The following EGFR variants were observed in gnomAD, a reference collection of about 807,000 sequenced individuals.
EGFR encodes the protein avian erythroblastic leukemia viral (v-erb-b) oncogene homolog.
In EGFR, 58 loss-of-function variants were observed where a neutral mutation model predicts 143.0. The observed-to-expected ratio is 0.41, with a 90% CI of 0.33 to 0.50. The LOEUF (loss-of-function observed/expected upper bound fraction) is 0.50. Among genes scored for constraint, EGFR ranks in the 20% least tolerant of loss-of-function variants. The pLI is 0.39. For missense variants in EGFR, 1,307 were observed against 1,579.0 expected, an observed-to-expected ratio of 0.83 and a Z score of 2.92; for synonymous variants, 613 against 594.4, an observed-to-expected ratio of 1.03 and a Z score of -0.45.
chr7:55,187,370 G>C (rs112294740), intron 20 of EGFR, among the ~76,000 whole-genome samples: 1 of 152,122 alleles, frequency 6.6e-6, no homozygotes, highest in South Asian at 2.1e-4. Flanking sequence ...AAAGGCATGC[G>C]GTGTTTACGT....
At chr7:55,178,929 C>T (rs1187795245) in intron 19 of EGFR, among the ~76,000 whole-genome samples, 1 of 152,224 alleles carries the variant, frequency 6.6e-6, no homozygotes, top group Non-Finnish European at 1.5e-5. Context: ...TACAGTTCAA[C>T]CCTGACAGTT....
At chr7:55,097,253 G>A (rs1439118476) in intron 1 of EGFR, among the ~76,000 whole-genome samples, 2 of 152,128 alleles carry the variant, frequency 1.3e-5, no homozygotes, top group East Asian at 1.9e-4. Flanking sequence ...TGCCTGGAAC[G>A]CAGAATCCCA....
At chr7:55,106,385 A>G (rs1792134317) in intron 1 of EGFR, among the ~76,000 whole-genome samples, 1 of 152,238 alleles carries the variant, frequency 6.6e-6, no homozygotes, top group Admixed American at 6.5e-5. Flanking sequence ...AACCCTAGTA[A>G]GTCCCTCCAG....
At chr7:55,185,566 G>A (rs562885152) in intron 20 of EGFR, among the ~76,000 whole-genome samples, 3 of 152,196 alleles carry the variant, frequency 2.0e-5, no homozygotes, top group Non-Finnish European at 4.4e-5. Flanking sequence ...CATTCAGACT[G>A]CAACTCATCT....
At chr7:55,201,492 CA>C in intron 25 of EGFR, 137 bp downstream of exon 25, 10 of 1,350,496 alleles carry the variant, frequency 7.4e-6, no homozygotes, top group East Asian at 5.0e-5. Flanking sequence ...AAATCAAAAT[CA>C]AAATAAATTA....
chr7:55,170,471 G>T (rs775407038), intron 15 of EGFR: 5 of 1,613,990 alleles, frequency 3.1e-6, no homozygotes, highest in Middle Eastern at 1.6e-4. Context: ...TTTCAGCTGG[G>T]TTGGGGTGGA....
chr7:55,188,578 C>T (rs1269684002), intron 20 of EGFR, among the ~76,000 whole-genome samples: 6 of 152,072 alleles, frequency 3.9e-5, no homozygotes, highest in Admixed American at 3.9e-4. Flanking sequence ...GTGAGGGTCT[C>T]GGAGAAGAAG....
intron 1 of EGFR, among the ~76,000 whole-genome samples, chr7:55,063,331 T>A (rs770594977): frequency 6.6e-6 from 1 of 152,142 alleles, no homozygotes; most frequent in African/African-American, 2.4e-5. Flanking sequence ...TCATTTAGGT[T>A]CAGGCTCTTA....
At chr7:55,163,691 G>A in intron 13 of EGFR, 42 bp from the exon 14 acceptor site, 3 of 1,550,922 alleles carry the variant, frequency 1.9e-6, no homozygotes, top group South Asian at 1.1e-5. Context: ...CTGCAATAAT[G>A]TCTCAGGGGT....
rs1448242676 is a variant in EGFR at position 55,205,947 on chromosome 7, GA to G, written c.*331del. On this transcript the variant is annotated 3_prime_UTR_variant, in exon 28 of 28. Coordinates refer to ENST00000275493, the MANE Select transcript of EGFR (RefSeq NM_005228.5). ...GGATTTTTATTGATTGGGGATCTTG[GA>G]GTTTTTCATTGTCGCTATTGATTTT... is the stretch of plus-strand genomic sequence containing the variant. 7.1e-6 allele frequency: 3 copies of G among 421,884 alleles called. No homozygotes were observed. In the East Asian group the frequency reaches 1.3e-4, roughly 18 times the overall value. The allele number at this position is 421,884 out of a possible 1,614,324, so 26.1% of individuals were successfully genotyped here.
intron 1 of EGFR, among the ~76,000 whole-genome samples, chr7:55,119,702 G>T (rs142557860): frequency 1.3e-3 from 203 of 152,348 alleles, no homozygotes; most frequent in Non-Finnish European, 2.6e-3. Context: ...ACGGTCCTAT[G>T]CTTTTGTCTT....
chr7:55,122,513 T>C (rs7808726), intron 1 of EGFR, among the ~76,000 whole-genome samples: 151,062 of 152,342 alleles, frequency 0.99, 74,896 homozygotes, highest in Middle Eastern at 1. Flanking sequence ...GCTGCGCATT[T>C]CTGCCCTTCT....
At chr7:55,144,213 C>T (rs755698885) in intron 3 of EGFR, among the ~76,000 whole-genome samples, 3 of 152,276 alleles carry the variant, frequency 2.0e-5, no homozygotes, top group Admixed American at 6.5e-5. Flanking sequence ...TGGACCCCGC[C>T]GAGGGTGAAG....
At chr7:55,097,647 T>C (rs1391499470) in intron 1 of EGFR, among the ~76,000 whole-genome samples, 1 of 152,220 alleles carries the variant, frequency 6.6e-6, no homozygotes, top group East Asian at 1.9e-4. Flanking sequence ...ACTTTGTACC[T>C]GATTTCTATA....
chr7:55,166,395 T>A, intron 15 of EGFR: 1 of 540,118 alleles, frequency 1.9e-6, no homozygotes, highest in South Asian at 1.5e-5. Flanking sequence ...TTGTGTGCCC[T>A]TGGGCAAGGG....
rs1786037213 is a variant in EGFR, at chr7:55,166,834, A to ATGGTG, written c.1880+1397_1880+1398insTGGTG. The stretch of plus-strand genomic sequence containing the variant: ...AGGAGGTGGGAGTCACAATGGTGGC[A>ATGGTG]GTGTTGGTGGTGAGGAGGTGGGAGT... On this transcript the variant is annotated intron_variant, in intron 15 of 27. Transcript: ENST00000275493. Among the ~76,000 whole-genome samples the ATGGTG allele has an allele frequency of 3.4e-4, 11 of 32,498 alleles. 3 individuals are homozygous for ATGGTG. Among genetic ancestry groups the ATGGTG allele is most frequent in the Non-Finnish European group, 6.8e-4 (11 of 16,134 alleles). 21.3% of individuals were successfully genotyped at this position (32,498 alleles called of 152,430 possible).
At chr7:55,112,550 T>C (rs1792572478) in intron 1 of EGFR, among the ~76,000 whole-genome samples, 1 of 152,186 alleles carries the variant, frequency 6.6e-6, no homozygotes, top group Non-Finnish European at 1.5e-5. Context: ...ACAGGAAGTG[T>C]GGCCCGAGGG....
intron 1 of EGFR, among the ~76,000 whole-genome samples, chr7:55,059,105 T>G (rs1173560767): frequency 1.3e-5 from 2 of 152,182 alleles, no homozygotes; most frequent in Non-Finnish European, 2.9e-5. Flanking sequence ...GAACAAAAGA[T>G]TAAATGTCAC....
chr7:55,147,823 T>G (rs1424792640), intron 4 of EGFR, among the ~76,000 whole-genome samples: 2 of 152,238 alleles, frequency 1.3e-5, no homozygotes, highest in Admixed American at 6.5e-5. Flanking sequence ...AACAGTCCAC[T>G]TGATGTCTCT....
Sources: allele counts gnomAD v4.1 joint callset (sites outside exome capture counted in the v4.1 genomes callset), GRCh38; gene constraint gnomAD v4.1.1; transcripts MANE v1.5; gene names NCBI Gene and HGNC (gene_info 2026-07-23, HGNC 2026-07-21).